SMARCAL1: variants seen among roughly 807,000 people sequenced by gnomAD.
The protein encoded by SMARCAL1 is SNF2 related chromatin remodeling annealing helicase 1, also known as ATP-driven annealing helicase.
Under a neutral mutation model 94.5 loss-of-function variants are expected in SMARCAL1, and 58 were observed. The observed-to-expected ratio is 0.61, with a 90% CI of 0.50 to 0.76. The LOEUF (loss-of-function observed/expected upper bound fraction) is 0.76, where lower values mean the gene tolerates loss of function less well. SMARCAL1 is among the 30% of genes least tolerant of loss of function. SMARCAL1 has a pLI of 0.00. For synonymous variants in SMARCAL1, 422 were observed against 455.1 expected, an observed-to-expected ratio of 0.93 and a Z score of 0.93; for missense variants, 1,051 against 1,177.9, an observed-to-expected ratio of 0.89 and a Z score of 1.58.
At chr2:216,448,328 A>C (rs951119017) in intron 11 of SMARCAL1, among the ~76,000 whole-genome samples, 2 of 152,192 alleles carry the variant, frequency 1.3e-5, no homozygotes, top group Non-Finnish European at 2.9e-5. Context: ...ATTCGCAAAC[A>C]GTCCACTTTC....
At chr2:216,416,683 G>A (rs1693610995) in intron 4 of SMARCAL1, among the ~76,000 whole-genome samples, 1 of 152,180 alleles carries the variant, frequency 6.6e-6, no homozygotes, top group Non-Finnish European at 1.5e-5. Context: ...AACCCTGACA[G>A]TCTGACTTCA....
At chr2:216,457,655 A>T (rs951579883) in intron 12 of SMARCAL1, among the ~76,000 whole-genome samples, 2 of 152,248 alleles carry the variant, frequency 1.3e-5, no homozygotes, top group African/African-American at 2.4e-5. Context: ...CAAAGACAGA[A>T]CATACCAGAA....
chr2:216,451,065 G>C lies in SMARCAL1; in HGVS notation c.2070+1G>C. 1 of 1,612,694 alleles carries C rather than the reference G, an allele frequency of 6.2e-7. No individual in the cohort carries two copies. The highest frequency in any genetic ancestry group is 1.1e-5 in the South Asian group (1 of 91,024). Reference sequence around the variant, plus strand: ...GGAAATGACCACCAAGGACAAAACTGTGAGTCCAGGGCTGGAGACAGATTT... The same window carrying C: ...GGAAATGACCACCAAGGACAAAACTCTGAGTCCAGGGCTGGAGACAGATTT... On this transcript the variant is annotated splice_donor_variant, in intron 12 of 17. Coordinates refer to ENST00000357276, the MANE Select transcript of SMARCAL1 (RefSeq NM_014140.4). LOFTEE classifies it high-confidence loss of function.
chr2:216,435,623 T>C, intron 9 of SMARCAL1, 127 bp downstream of exon 9: 1 of 847,890 alleles, frequency 1.2e-6, no homozygotes, highest in Non-Finnish European at 1.9e-6. Flanking sequence ...TAGAAATCAC[T>C]GTCTTTATTT....
At chr2:216,413,677 A>G (rs2106013113) in intron 1 of SMARCAL1, among the ~76,000 whole-genome samples, 179 bp from the exon 2 acceptor site, 1 of 151,838 alleles carries the variant, frequency 6.6e-6, no homozygotes, top group Non-Finnish European at 1.5e-5. Context: ...TTATTTTCCC[A>G]GGAGAGTCAG....
At chr2:216,421,098 G>A (rs960654142) in intron 5 of SMARCAL1, among the ~76,000 whole-genome samples, 2 of 152,038 alleles carry the variant, frequency 1.3e-5, no homozygotes, top group Non-Finnish European at 2.9e-5. Flanking sequence ...TTCTGCTCTC[G>A]GCCTGCCCAT....
At chr2:216,426,175 T>C (rs1693829665) in intron 6 of SMARCAL1, among the ~76,000 whole-genome samples, 1 of 152,226 alleles carries the variant, frequency 6.6e-6, no homozygotes. Flanking sequence ...AAAGCTGAAT[T>C]TTTTAAGAAA....
At chr2:216,421,892 G>A (rs184506619) in intron 5 of SMARCAL1, among the ~76,000 whole-genome samples, 149 of 152,302 alleles carry the variant, frequency 9.8e-4, no homozygotes, top group Non-Finnish European at 8.5e-4. Context: ...TTTGGGTTCC[G>A]GAGGAGGCTG....
Position 216,475,356 on chromosome 2 carries a change from G to T in SMARCAL1, c.2332G>T (p.Ala778Ser), listed in dbSNP as rs746945317. Residue 778 changes from alanine (A) to serine (S), a missense_variant, in exon 15 of 18, where the codon GCT becomes TCT. Coordinates refer to ENST00000357276, the MANE Select transcript of SMARCAL1 (RefSeq NM_014140.4). This position sits in a 1 kb window ranked among gnomAD's most constrained non-coding sequence, Gnocchi z 4.4. Reference sequence around the variant, plus strand: ...GCAGTTCCAACTGTCGGAGAGGCATGCTGTGGCCGTGCTGTCCATCACCGC... The same window carrying T: ...GCAGTTCCAACTGTCGGAGAGGCATTCTGTGGCCGTGCTGTCCATCACCGC... ...CQQFQLSERH[A>S]VAVLSITAAN... 1 of 1,614,220 alleles carries T rather than the reference G, an allele frequency of 6.2e-7. No individual in the cohort carries two copies.
At chr2:216,427,612 A>G (rs1016354568) in intron 6 of SMARCAL1, among the ~76,000 whole-genome samples, 2 of 152,272 alleles carry the variant, frequency 1.3e-5, no homozygotes, top group Admixed American at 1.3e-4. Context: ...TATTAATGCC[A>G]TCAACCTTCC....
rs1171608244 is a variant in SMARCAL1 at position 216,420,762 on chromosome 2, CT to C, written c.1096+231del. 2.0e-5 allele frequency among the ~76,000 whole-genome samples: 3 copies of C among 152,202 alleles called. 1 individual carries two copies. The highest frequency in any genetic ancestry group is 7.2e-5 in the African/African-American group (3 of 41,448). ...AAAGAGAAGACCTCATAATATCCCC[CT>C]GGTCAATATCTTCTTGGTAGAAGCA... On this transcript the variant is annotated intron_variant, in intron 5 of 17. Coordinates refer to ENST00000357276, the MANE Select transcript of SMARCAL1 (RefSeq NM_014140.4).
intron 10 of SMARCAL1, among the ~76,000 whole-genome samples, chr2:216,440,272 C>A (rs969825570): frequency 4.6e-5 from 7 of 152,132 alleles, no homozygotes; most frequent in African/African-American, 1.7e-4. Flanking sequence ...ATTGTTTAGA[C>A]AAAAGAAAAT....
chr2:216,416,789 A>G (rs1482355973), intron 4 of SMARCAL1, among the ~76,000 whole-genome samples: 2 of 152,234 alleles, frequency 1.3e-5, no homozygotes, highest in African/African-American at 4.8e-5. Context: ...ACAGTTCAGC[A>G]AACAGCACAG....
rs367595095 is a variant in SMARCAL1 at position 216,475,492 on chromosome 2, C to T, written c.2427+41C>T. The T allele has an allele frequency of 5.5e-5, 88 of 1,601,726 alleles. No homozygotes were observed. In the African/African-American group the frequency reaches 1.1e-3, roughly 19 times the overall value. The stretch of plus-strand genomic sequence containing the variant: ...GACTCAGATACTCCCCAGGCATGCT[C>T]ATGGCTGTGGGCAGGAAGCAGTGAG... On this transcript the variant is annotated intron_variant, in intron 15 of 17. Transcript: ENST00000357276. This position sits in a 1 kb window ranked among gnomAD's most constrained non-coding sequence, Gnocchi z 4.4.
At chr2:216,427,289 G>A (rs1163844638) in intron 6 of SMARCAL1, 2 of 152,240 alleles carry the variant, frequency 1.3e-5, no homozygotes, top group Non-Finnish European at 2.9e-5. Context: ...ACACTGAGAT[G>A]GCTGAACTAG....
At chr2:216,454,721 G>A (rs780956057) in intron 12 of SMARCAL1, among the ~76,000 whole-genome samples, 7 of 151,932 alleles carry the variant, frequency 4.6e-5, no homozygotes, top group Admixed American at 6.6e-5. Context: ...ATCTTGGGGC[G>A]GTTCCAAGAT....
intron 17 of SMARCAL1, chr2:216,478,920 A>C (rs1376524753): frequency 6.0e-6 from 1 of 165,498 alleles, no homozygotes; most frequent in Middle Eastern, 3.0e-3. Flanking sequence ...GGCCTTGTCA[A>C]AGGTGCTGAG....
At chr2:216,460,070 C>T (rs988993710) in intron 12 of SMARCAL1, among the ~76,000 whole-genome samples, 2 of 152,146 alleles carry the variant, frequency 1.3e-5, no homozygotes, top group Non-Finnish European at 2.9e-5. Flanking sequence ...ATTCAGCCAA[C>T]AGACACATGA....
chr2:216,460,421 C>G (rs1418493769), intron 12 of SMARCAL1, among the ~76,000 whole-genome samples: 14 of 152,060 alleles, frequency 9.2e-5, no homozygotes, highest in African/African-American at 1.7e-4. Flanking sequence ...CAATAGCAAA[C>G]ACTTGGAACC....
Sources: allele counts gnomAD v4.1 joint callset (sites outside exome capture counted in the v4.1 genomes callset), GRCh38; gene constraint gnomAD v4.1.1; non-coding constraint Gnocchi (gnomAD v3.1); transcripts MANE v1.5; gene names NCBI Gene and HGNC (gene_info 2026-07-23, HGNC 2026-07-21).